The following YEATS4 variants were observed in gnomAD, a reference collection of about 807,000 sequenced individuals.
The protein encoded by YEATS4 is YEATS domain-containing protein 4.
YEATS4 carries 17 observed loss-of-function variants against 30.1 expected under a neutral mutation model. The ratio of observed to expected loss-of-function variants is 0.56; its 90% CI spans 0.39 to 0.85. The LOEUF (loss-of-function observed/expected upper bound fraction) is 0.85. Ranked by LOEUF, YEATS4 falls within the 40% of genes least tolerant of loss-of-function variation. The pLI is 0.00. For synonymous variants in YEATS4, 85 were observed against 87.5 expected (o/e 0.97, Z 0.16); for missense variants, 142 against 268.3 (o/e 0.53, Z 3.29).
At position 69,359,934 on chromosome 12, in the gene YEATS4, C is replaced by G. The variant is rs753718546; in HGVS notation, c.-39C>G. 5.6e-6 allele frequency: 9 copies of G among 1,611,590 alleles called. No homozygotes were observed. The highest frequency in any genetic ancestry group is 1.6e-4 in the Middle Eastern group (1 of 6,064). On this transcript the variant is annotated 5_prime_UTR_variant, in exon 1 of 7. Transcript: ENST00000247843. ...GAGCGGCGACCCCGCCAGCCCCGGT[C>G]TCTTTCCCTGGCGGCGGCGGCTTCT...
In YEATS4 at chr12:69,382,714, G is replaced by A. The variant is rs77495284; in HGVS notation, c.515-7433G>A. 7.7e-3 allele frequency among the ~76,000 whole-genome samples: 1,179 copies of A among 152,330 alleles called. 22 individuals are homozygous for A. Among genetic ancestry groups the A allele is most frequent in the African/African-American group, 0.027 (1,121 of 41,568 alleles). On this transcript the variant is annotated intron_variant, in intron 6 of 6. Coordinates refer to ENST00000247843, the MANE Select transcript of YEATS4 (RefSeq NM_006530.4). ...CCTTTACTCTTTCCTGTGTGTGGAG[G>A]CTGTCCCAGTAATTCAGATTTGGTA...
At chr12:69,397,128 T>G in the YEATS4 span, among the ~76,000 whole-genome samples, 9,319 of 152,210 alleles carry the variant, frequency 0.061, 430 homozygotes, top group African/African-American at 0.13. Context: ...ATAAAAAGGA[T>G]AATAAGTCCC....
At chr12:69,393,128 A>G (rs996946102), downstream of YEATS4, among the ~76,000 whole-genome samples, 2 of 152,204 alleles carry the variant, frequency 1.3e-5, no homozygotes, top group African/African-American at 4.8e-5. Flanking sequence ...TTTAATAATA[A>G]TAGATTTCAA....
intron 6 of YEATS4, among the ~76,000 whole-genome samples, chr12:69,382,565 T>C (rs921145839): frequency 3.3e-5 from 5 of 152,230 alleles, no homozygotes; most frequent in African/African-American, 9.6e-5. Context: ...TGTTGAATAC[T>C]GCCAGGCCTG....
the YEATS4 span, chr12:69,422,520 A>G: frequency 6.8e-6 from 1 of 147,610 alleles, no homozygotes; most frequent in African/African-American, 2.5e-5. Flanking sequence ...AGTCCTAGCT[A>G]TGTGGGAGGC....
At chr12:69,426,444 C>T in the YEATS4 span, among the ~76,000 whole-genome samples, 6 of 152,260 alleles carry the variant, frequency 3.9e-5, no homozygotes, top group South Asian at 1.2e-3. Flanking sequence ...CATCTCGGCT[C>T]ACTGCAACCT....
rs899404132 is a variant in YEATS4, at chr12:69,363,045, T to C, written c.171+138T>C. 10 of 732,772 alleles carry C rather than the reference T, an allele frequency of 1.4e-5. No individual in the cohort carries two copies. The African/African-American group carries it at 2.1e-4, about 16-fold the overall frequency. 45.4% of individuals were successfully genotyped at this position (732,772 alleles called of 1,614,324 possible). A position where few individuals can be genotyped will look rare whatever the true frequency, so the allele number is the denominator to read the frequency against. ...TCTTGCTCTGTCGCCCAGGCTGGAG[T>C]GCAGTGGCGCGATCTCAGCTCACTG... On this transcript the variant is annotated intron_variant, in intron 2 of 6. Transcript: ENST00000247843.
intron 4 of YEATS4, 95 bp from the exon 5 acceptor site, chr12:69,370,611 T>C (rs1405127457): frequency 9.8e-7 from 1 of 1,015,544 alleles, no homozygotes; most frequent in Non-Finnish European, 1.4e-6. Flanking sequence ...GACATGTATA[T>C]ACTTATTCCA....
chr12:69,417,879 A>T, the YEATS4 span, among the ~76,000 whole-genome samples: 1 of 150,874 alleles, frequency 6.6e-6, no homozygotes, highest in Admixed American at 6.6e-5. Flanking sequence ...AAAAAAAAGC[A>T]ATAAAAGCTT....
In YEATS4 at chr12:69,390,415, G is replaced by A. The variant is rs1868303881; in HGVS notation, c.*99G>A. ...GCAAATGCTGTGATGTTTCTTAGAG[G>A]AACTTCATATACAGCTGTTGACCAT... is the stretch of plus-strand genomic sequence containing the variant. On this transcript the variant is annotated 3_prime_UTR_variant, in exon 7 of 7. Transcript: ENST00000247843. 1 of 1,123,064 alleles carries A rather than the reference G, an allele frequency of 8.9e-7. No individual in the cohort carries two copies. The allele number at this position is 1,123,064 out of a possible 1,614,324, so 69.6% of individuals were successfully genotyped here.
At chr12:69,419,551 T>C in the YEATS4 span, among the ~76,000 whole-genome samples, 1 of 152,148 alleles carries the variant, frequency 6.6e-6, no homozygotes, top group African/African-American at 2.4e-5. Flanking sequence ...GGTTCATGTG[T>C]CATTTTCATT....
At chr12:69,389,590 T>C (rs1868292478) in intron 6 of YEATS4, among the ~76,000 whole-genome samples, 1 of 124,424 alleles carries the variant, frequency 8.0e-6, no homozygotes, top group African/African-American at 3.1e-5. Flanking sequence ...CTCAGCTCAC[T>C]GCAACCTCTG....
intron 6 of YEATS4, among the ~76,000 whole-genome samples, chr12:69,380,338 G>A (rs1355236341): frequency 6.6e-6 from 1 of 152,238 alleles, no homozygotes; most frequent in East Asian, 1.9e-4. Flanking sequence ...CAGTAATGCT[G>A]TGGTTCTTGC....
the YEATS4 span, among the ~76,000 whole-genome samples, chr12:69,400,178 C>T: frequency 6.6e-6 from 1 of 151,920 alleles, no homozygotes; most frequent in Admixed American, 6.6e-5. Context: ...TTTATGTGCC[C>T]CATACTCAAG....
the YEATS4 span, among the ~76,000 whole-genome samples, chr12:69,400,635 C>A: frequency 6.6e-6 from 1 of 151,278 alleles, no homozygotes; most frequent in Non-Finnish European, 1.5e-5. Flanking sequence ...ATCACATGAG[C>A]CCAGGAGTTT....
the YEATS4 span, among the ~76,000 whole-genome samples, chr12:69,424,924 A>G: frequency 6.6e-6 from 1 of 151,922 alleles, no homozygotes; most frequent in African/African-American, 2.4e-5. Flanking sequence ...TTATTTATTT[A>G]TTTATTTATT....
At chr12:69,419,674 A>G in the YEATS4 span, among the ~76,000 whole-genome samples, 4 of 152,324 alleles carry the variant, frequency 2.6e-5, no homozygotes, top group African/African-American at 9.6e-5. Context: ...AAAGAAAGTC[A>G]TGTGTTGAGC....
chr12:69,420,917 T>A, the YEATS4 span, among the ~76,000 whole-genome samples: 220 of 152,344 alleles, frequency 1.4e-3, no homozygotes, highest in African/African-American at 5.1e-3. Flanking sequence ...TGAGGTCTTT[T>A]GTGTCTTTCA....
intron 6 of YEATS4, among the ~76,000 whole-genome samples, chr12:69,375,072 G>A (rs1360308691): frequency 1.3e-5 from 2 of 150,600 alleles, no homozygotes; most frequent in East Asian, 2.0e-4. Flanking sequence ...CGGAGGGGGC[G>A]GCTGCCGGGC....
Sources: gnomAD v4.1 joint callset for allele counts (sites outside exome capture counted in the v4.1 genomes callset) on GRCh38, gnomAD v4.1.1 for gene constraint, MANE v1.5 for transcripts, NCBI Gene and HGNC (gene_info 2026-07-23, HGNC 2026-07-21) for gene names.